Variants in CLEC16A observed in about 807,000 individuals in gnomAD.
CLEC16A encodes C-type lectin domain containing 16A.
A neutral mutation model predicts 109.5 loss-of-function variants in CLEC16A; 51 were observed. The observed-to-expected ratio is 0.47, with a 90% CI of 0.37 to 0.59. The LOEUF is 0.59. CLEC16A is among the 20% of genes least tolerant of loss of function. The pLI is 0.00. For missense variants in CLEC16A, 1,339 were observed against 1,394.0 expected (o/e 0.96, Z 0.63); for synonymous variants, 673 against 564.2 (o/e 1.19, Z -2.73).
At chr16:11,028,498 T>C (rs113154122) in intron 13 of CLEC16A, among the ~76,000 whole-genome samples, 3,107 of 143,094 alleles carry the variant, frequency 0.022, 110 homozygotes, top group African/African-American at 0.077. Flanking sequence ...GAAATACACA[T>C]AGGAAGAAAG....
At chr16:11,012,029 C>T (rs149260541) in intron 11 of CLEC16A, among the ~76,000 whole-genome samples, 38 of 152,266 alleles carry the variant, frequency 2.5e-4, no homozygotes, top group African/African-American at 9.1e-4. Flanking sequence ...TCCCCCATGC[C>T]CACCCCAATA....
rs371524357 is a variant in CLEC16A, at chr16:11,002,617, C to A, written c.1072-457C>A. ...ATCACTGGAGTAATGCGCACTGGACCCACCAAACACCCTCCCATCATCCAC... is the reference window on the plus strand; with the variant it reads ...ATCACTGGAGTAATGCGCACTGGACACACCAAACACCCTCCCATCATCCAC... On this transcript the variant is annotated intron_variant, in intron 10 of 23. Coordinates refer to ENST00000409790, the MANE Select transcript of CLEC16A (RefSeq NM_015226.3). 5.3e-5 allele frequency among the ~76,000 whole-genome samples: 8 copies of A among 152,140 alleles called. No homozygotes were observed. In the East Asian group the frequency reaches 1.5e-3, roughly 29 times the overall value.
At chr16:11,125,902 T>TGGGGGGGGGGGGGGGGGGGGGGGGGC in intron 21 of CLEC16A, 77 bp from the exon 22 acceptor site, 1 of 349,750 alleles carries the variant, frequency 2.9e-6, no homozygotes, top group Non-Finnish European at 5.6e-6. Flanking sequence ...GCCACTACGA[T>TGGGGGGGGGGGGGGGGGGGGGGGGGC]GTCCCCCCCC....
At chr16:11,032,495 C>G (rs566073061) in intron 13 of CLEC16A, among the ~76,000 whole-genome samples, 1 of 152,246 alleles carries the variant, frequency 6.6e-6, no homozygotes, top group Non-Finnish European at 1.5e-5. Flanking sequence ...AAGGCCCCGT[C>G]ATAGGCACTC....
chr16:10,977,124 T>C (rs1051519209), intron 7 of CLEC16A, 101 bp from the exon 8 acceptor site: 1 of 1,085,044 alleles, frequency 9.2e-7, no homozygotes, highest in African/African-American at 1.6e-5. Flanking sequence ...AACTCAAATA[T>C]GTGGATGAAC....
intron 13 of CLEC16A, among the ~76,000 whole-genome samples, chr16:11,032,082 G>T (rs1484631804): frequency 6.6e-6 from 1 of 152,216 alleles, no homozygotes; most frequent in Non-Finnish European, 1.5e-5. Flanking sequence ...TCACTTGCCT[G>T]GTGGTGAGCA....
intron 20 of CLEC16A, among the ~76,000 whole-genome samples, chr16:11,121,713 C>A (rs1787096121): frequency 6.6e-6 from 1 of 151,402 alleles, no homozygotes; most frequent in Non-Finnish European, 1.5e-5. Context: ...AACCCCGTCT[C>A]TACTAAAAAT....
intron 1 of CLEC16A, among the ~76,000 whole-genome samples, chr16:10,951,693 A>G (rs571505528): frequency 6.6e-6 from 1 of 152,260 alleles, no homozygotes; most frequent in African/African-American, 2.4e-5. Context: ...AGGTACATAC[A>G]TAGTTTGAGA....
chr16:11,000,946 T>C (rs1430919553), intron 10 of CLEC16A, among the ~76,000 whole-genome samples: 2 of 152,228 alleles, frequency 1.3e-5, no homozygotes, highest in East Asian at 3.8e-4. Context: ...AAAGTTTATT[T>C]TGAAACTTTT....
intron 19 of CLEC16A, among the ~76,000 whole-genome samples, chr16:11,111,583 T>TA (rs1425461912): frequency 6.6e-6 from 1 of 152,190 alleles, no homozygotes; most frequent in Non-Finnish European, 1.5e-5. Context: ...AGGTAAGAAA[T>TA]ATTGCTGTGG....
At chr16:10,966,791 C>A (rs1463970129) in intron 3 of CLEC16A, among the ~76,000 whole-genome samples, 1 of 152,118 alleles carries the variant, frequency 6.6e-6, no homozygotes, top group Non-Finnish European at 1.5e-5. Context: ...GGAAACCACC[C>A]CCATGATTCA....
chr16:11,133,927 T>C (rs533084426), intron 22 of CLEC16A, among the ~76,000 whole-genome samples: 5 of 152,302 alleles, frequency 3.3e-5, no homozygotes, highest in South Asian at 2.1e-4. Context: ...CCGTGAGTTA[T>C]GGAAATTTGA....
chr16:11,009,390 C>G (rs931406349), intron 11 of CLEC16A, among the ~76,000 whole-genome samples: 1 of 152,066 alleles, frequency 6.6e-6, no homozygotes, highest in Non-Finnish European at 1.5e-5. Flanking sequence ...GGAATAATGC[C>G]GCTATAAACA....
intron 11 of CLEC16A, among the ~76,000 whole-genome samples, chr16:11,011,207 A>G (rs548297005): frequency 7.9e-5 from 12 of 152,324 alleles, no homozygotes; most frequent in African/African-American, 2.9e-4. Flanking sequence ...TTTGTTGATG[A>G]TTCTTGCCTG....
chr16:10,997,098 A>T (rs1322332391), intron 10 of CLEC16A, among the ~76,000 whole-genome samples: 1 of 152,122 alleles, frequency 6.6e-6, no homozygotes, highest in Non-Finnish European at 1.5e-5. Flanking sequence ...AGTAGCTGGG[A>T]CTGCAGGCAT....
rs559037470 is a variant in CLEC16A, at chr16:11,019,995, G to A, written c.1304-198G>A. ...GGAACACGTTTCTTGGTGTTGCTGT[G>A]ATGAATGGAAAGAGAGGCTCTGGCC... On this transcript the variant is annotated intron_variant, in intron 11 of 23. Coordinates refer to ENST00000409790, the MANE Select transcript of CLEC16A (RefSeq NM_015226.3). Among the ~76,000 whole-genome samples the A allele has an allele frequency of 1.4e-3, 219 of 152,338 alleles. 1 individual carries two copies. The highest frequency in any genetic ancestry group is 5.1e-3 in the African/African-American group (212 of 41,572).
chr16:11,176,602 G>A (rs954065794), intron 23 of CLEC16A, among the ~76,000 whole-genome samples: 1 of 152,160 alleles, frequency 6.6e-6, no homozygotes. Flanking sequence ...GCCAGGTGTG[G>A]TGACACGGGC....
At chr16:10,979,750 A>T (rs1248996437) in intron 9 of CLEC16A, among the ~76,000 whole-genome samples, 1 of 152,168 alleles carries the variant, frequency 6.6e-6, no homozygotes, top group East Asian at 1.9e-4. Flanking sequence ...CACACTGCAG[A>T]ACCCACAGCG....
chr16:11,162,340 G>A (rs959598406), intron 22 of CLEC16A, among the ~76,000 whole-genome samples: 1 of 152,236 alleles, frequency 6.6e-6, no homozygotes, highest in Non-Finnish European at 1.5e-5. Flanking sequence ...AGCTTCAGAG[G>A]GCAGAACAGA....
Sources: allele counts gnomAD v4.1 joint callset (sites outside exome capture counted in the v4.1 genomes callset), GRCh38; gene constraint gnomAD v4.1.1; transcripts MANE v1.5; gene names NCBI Gene and HGNC (gene_info 2026-07-23, HGNC 2026-07-21).